LSR: variants seen among roughly 807,000 people sequenced by gnomAD.
LSR encodes lipolysis stimulated lipoprotein receptor, also known as lipolysis-stimulated lipoprotein receptor.
Under a neutral mutation model 61.8 loss-of-function variants are expected in LSR, and 44 were observed. The observed-to-expected ratio is 0.71, with a 90% CI of 0.56 to 0.91. The LOEUF is 0.91. Ranked by LOEUF, LSR falls within the 40% of genes least tolerant of loss-of-function variation. The probability of loss-of-function intolerance (pLI) is 0.00; values close to 1 mark genes in which losing one functional copy is unlikely to be tolerated. For missense variants in LSR, 911 were observed against 830.5 expected, an observed-to-expected ratio of 1.10 and a Z score of -1.19; for synonymous variants, 397 against 350.6, an observed-to-expected ratio of 1.13 and a Z score of -1.48.
intron 2 of LSR, among the ~76,000 whole-genome samples, chr19:35,258,626 A>C (rs949622191): frequency 4.6e-5 from 7 of 151,778 alleles, no homozygotes; most frequent in South Asian, 2.1e-4. Flanking sequence ...AAAAAAAAAC[A>C]ACCTCAGGCT....
At chr19:35,259,161 C>A in intron 3 of LSR, 97 bp downstream of exon 3, 1 of 1,471,144 alleles carries the variant, frequency 6.8e-7, no homozygotes, top group Non-Finnish European at 9.2e-7. Flanking sequence ...CTCCAGCTTA[C>A]CCTCTGGGCT....
chr19:35,262,633 C>G lies in LSR; in HGVS notation c.719C>G (p.Thr240Ser), dbSNP rs1394637286. The change falls in exon 5 of 10, where the codon ACT becomes AGT. Residue 240 changes from threonine to serine, a missense_variant. By Grantham distance (58) the Thr-to-Ser change is moderately conservative. Coordinates refer to ENST00000605618, the MANE Select transcript of LSR (RefSeq NM_205834.4). ...GICWCQCCPH[T>S]CCCYVRCPCC... is the part of the protein sequence containing the mutation. Reference sequence around the variant, plus strand: ...TGCTGGTGCCAGTGCTGCCCGCACACTTGCTGCTGCTACGTCAGGTGCCCC... The same window carrying G: ...TGCTGGTGCCAGTGCTGCCCGCACAGTTGCTGCTGCTACGTCAGGTGCCCC... 1 of 1,614,224 alleles carries G rather than the reference C, an allele frequency of 6.2e-7. No homozygotes were observed. The highest frequency in any genetic ancestry group is 1.1e-5 in the South Asian group (1 of 91,088).
At chr19:35,256,524 G>A (rs931646170) in intron 2 of LSR, among the ~76,000 whole-genome samples, 2 of 152,104 alleles carry the variant, frequency 1.3e-5, no homozygotes, top group Non-Finnish European at 2.9e-5. Context: ...CGTAGCCTCT[G>A]GAAAACTCCA....
chr19:35,250,157 G>A (rs1346747131), intron 1 of LSR, among the ~76,000 whole-genome samples, 158 bp from the exon 2 acceptor site: 2 of 152,142 alleles, frequency 1.3e-5, no homozygotes, highest in African/African-American at 4.8e-5. Context: ...CATGATTATC[G>A]TGGCTACCTC....
chr19:35,250,552 T>C lies in LSR; in HGVS notation c.347T>C (p.Val116Ala). 1 of 1,613,904 alleles carries C rather than the reference T, an allele frequency of 6.2e-7. No individual in the cohort carries two copies. The highest frequency in any genetic ancestry group is 1.3e-5 in the African/African-American group (1 of 74,970). Residue 116 changes from valine (V) to alanine (A), a missense_variant, in exon 2 of 10, where the codon GTT becomes GCT. Coordinates refer to ENST00000605618, the MANE Select transcript of LSR (RefSeq NM_205834.4). ...GGGAACCCAGGCTACAACCCCTACGTTGAGTGCCAGGACAGCGTGCGCACC... is the reference window on the plus strand; with the variant it reads ...GGGAACCCAGGCTACAACCCCTACGCTGAGTGCCAGGACAGCGTGCGCACC... ...AAGNPGYNPY[V>A]ECQDSVRTVR...
At chr19:35,251,053 C>A (rs762854434) in intron 2 of LSR, among the ~76,000 whole-genome samples, 2 of 152,158 alleles carry the variant, frequency 1.3e-5, no homozygotes, top group African/African-American at 4.8e-5. Context: ...GCCTTGGCCT[C>A]GCAAAGTGCT....
chr19:35,249,618 A>G (rs1303270648), intron 1 of LSR, among the ~76,000 whole-genome samples: 1 of 151,896 alleles, frequency 6.6e-6, no homozygotes, highest in African/African-American at 2.4e-5. Flanking sequence ...CACCCCACCC[A>G]CCTCCCGCGG....
chr19:35,266,785 G>A (rs1398858611), intron 7 of LSR, 47 bp downstream of exon 7: 2 of 1,608,756 alleles, frequency 1.2e-6, no homozygotes, highest in Non-Finnish European at 1.7e-6. Context: ...AAGGGAGAGG[G>A]GTGGGCCAGG....
chr19:35,265,833 G>A lies in LSR; in HGVS notation c.779-526G>A, dbSNP rs1197691091. On this transcript the variant is annotated intron_variant, in intron 5 of 9. Coordinates refer to ENST00000605618, the MANE Select transcript of LSR (RefSeq NM_205834.4). ...AGGTGACCAGGTGGGCAGGACCCAC[G>A]TCTCCCAGATGACTCATTTTTTCTA... is the stretch of plus-strand genomic sequence containing the variant. 5.3e-5 allele frequency among the ~76,000 whole-genome samples: 8 copies of A among 152,196 alleles called. No individual in the cohort carries two copies. In the East Asian group the frequency reaches 1.2e-3, roughly 22 times the overall value.
chr19:35,250,850 C>T (rs1230073364), intron 2 of LSR, among the ~76,000 whole-genome samples, 191 bp downstream of exon 2: 1 of 146,830 alleles, frequency 6.8e-6, no homozygotes, highest in African/African-American at 2.5e-5. Context: ...GGCTGGAGTG[C>T]AGTGGTGCGA....
intron 5 of LSR, among the ~76,000 whole-genome samples, chr19:35,265,252 C>A (rs13345192): frequency 0.17 from 26,012 of 152,102 alleles, 2,611 homozygotes; most frequent in Middle Eastern, 0.22. Context: ...CCCACTAAGA[C>A]CAGAGCTAGG....
rs78015550 is a variant in LSR at position 35,258,458 on chromosome 19, A to C, written c.455-487A>C. Among the ~76,000 whole-genome samples the C allele has an allele frequency of 9.5e-4, 143 of 150,268 alleles. No homozygotes were observed. The East Asian group carries it at 0.024, about 25-fold the overall frequency. ...AAGAGTGAAACTCCGATTCAAACAA[A>C]AAAAAAAAAAAGCTGGGCATGGTGG... On this transcript the variant is annotated intron_variant, in intron 2 of 9. Coordinates refer to ENST00000605618, the MANE Select transcript of LSR (RefSeq NM_205834.4).
At chr19:35,258,858 G>A in intron 2 of LSR, 87 bp from the exon 3 acceptor site, 1 of 1,548,510 alleles carries the variant, frequency 6.5e-7, no homozygotes, top group Non-Finnish European at 8.9e-7. Context: ...GCCCCCTCCT[G>A]GGTGTGCTGG....
chr19:35,256,733 A>AAT lies in LSR; in HGVS notation c.455-2212_455-2211insAT, dbSNP rs1568442700. On this transcript the variant is annotated intron_variant, in intron 2 of 9. Transcript: ENST00000605618. ...ATGAATGAATGAATGAATGAATGAA[A>AAT]GAAAGAAAGAAATGTGTCTTTGAAT... Among the ~76,000 whole-genome samples the AAT allele has an allele frequency of 8.6e-4, 33 of 38,192 alleles. No homozygotes were observed. In the East Asian group the frequency reaches 0.01, roughly 12 times the overall value. 25.1% of individuals were successfully genotyped at this position (38,192 alleles called of 152,430 possible). A position where few individuals can be genotyped will look rare whatever the true frequency, so the allele number is the denominator to read the frequency against.
chr19:35,264,801 G>C (rs1317401286), intron 5 of LSR: 2 of 152,202 alleles, frequency 1.3e-5, no homozygotes, highest in Admixed American at 1.3e-4. Flanking sequence ...CTGGGGATTT[G>C]GCGAGCTCAT....
intron 3 of LSR, among the ~76,000 whole-genome samples, chr19:35,259,745 C>T (rs2065902416): frequency 6.6e-6 from 1 of 152,228 alleles, no homozygotes; most frequent in Non-Finnish European, 1.5e-5. Flanking sequence ...GGCCTCATCT[C>T]ACCCGAGTCC....
rs755992438 is a variant in LSR, at chr19:35,250,353, T to C, written c.148T>C (p.Tyr50His). ...CATCCAGGTGACCGTGTCCAACCCCTACCACGTGGTGATCCTCTTCCAGCC... is the reference window on the plus strand; with the variant it reads ...CATCCAGGTGACCGTGTCCAACCCCCACCACGTGGTGATCCTCTTCCAGCC... ...RAIQVTVSNP[Y>H]HVVILFQPVT... The change falls in exon 2 of 10, where the codon TAC becomes CAC. Residue 50 changes from tyrosine to histidine, a missense_variant. Coordinates refer to ENST00000605618, the MANE Select transcript of LSR (RefSeq NM_205834.4). 5 of 1,579,698 alleles carry C rather than the reference T, an allele frequency of 3.2e-6. No homozygotes were observed. Among genetic ancestry groups the C allele is most frequent in the East Asian group, 4.5e-5 (2 of 44,108 alleles).
intron 5 of LSR, chr19:35,264,763 A>C (rs2065974791): frequency 6.6e-6 from 1 of 152,220 alleles, no homozygotes; most frequent in Non-Finnish European, 1.5e-5. Flanking sequence ...AATGGGGCTT[A>C]TGGCAGAGCT....
Position 35,266,421 on chromosome 19 carries a change from G to T in LSR, c.841G>T (p.Ala281Ser), listed in dbSNP as rs1288681751. 5 of 1,611,812 alleles carry T rather than the reference G, an allele frequency of 3.1e-6. No individual in the cohort carries two copies. In the Admixed American group the frequency reaches 8.4e-5, roughly 27 times the overall value. ...VPSIYAPSTY[A>S]HLSPAKTPPP... ...CAGCATTTATGCCCCCAGCACCTAT[G>T]CCCACCTGTCTCCCGCCAAGACCCC... is the stretch of plus-strand genomic sequence containing the variant. The change falls in exon 6 of 10, where the codon GCC becomes TCC. Residue 281 changes from alanine to serine, a missense_variant. Ala to Ser is a moderately conservative substitution (Grantham distance 99). Transcript: ENST00000605618.
Sources: allele counts gnomAD v4.1 joint callset (sites outside exome capture counted in the v4.1 genomes callset), GRCh38; gene constraint gnomAD v4.1.1; transcripts MANE v1.5; gene names NCBI Gene and HGNC (gene_info 2026-07-23, HGNC 2026-07-21).